Variants in LPA observed in about 807,000 individuals in gnomAD.
LPA encodes lipoprotein(a).
A neutral mutation model predicts 197.9 loss-of-function variants in LPA; 199 were observed. The ratio of observed to expected loss-of-function variants is 1.01; its 90% CI spans 0.90 to 1.13. The LOEUF (loss-of-function observed/expected upper bound fraction) is 1.13, where lower values mean the gene tolerates loss of function less well. LPA is among the 50% of genes most tolerant of loss of function. The pLI is 0.00. For synonymous variants in LPA, 715 were observed against 639.5 expected (o/e 1.12, Z -1.78); for missense variants, 1,853 against 1,785.8 (o/e 1.04, Z -0.68).
At chr6:160,662,185 T>C (rs1163459553) in intron 1 of LPA, among the ~76,000 whole-genome samples, 1 of 152,234 alleles carries the variant, frequency 6.6e-6, no homozygotes, top group Admixed American at 6.5e-5. Context: ...AGGGTTTATT[T>C]GTTGGTGAAG....
At chr6:160,537,128 C>T (rs1040622235) in intron 37 of LPA, among the ~76,000 whole-genome samples, 5 of 152,160 alleles carry the variant, frequency 3.3e-5, no homozygotes, top group Admixed American at 1.3e-4. Flanking sequence ...TTTCAGTTTT[C>T]CTACTGCCAA....
intron 37 of LPA, among the ~76,000 whole-genome samples, chr6:160,534,402 G>C (rs1382680144): frequency 6.6e-6 from 1 of 152,172 alleles, no homozygotes; most frequent in Non-Finnish European, 1.5e-5. Flanking sequence ...TGTAGAGATG[G>C]CACCTCTGAG....
At chr6:160,588,175 A>T (rs1278542958) in intron 24 of LPA, among the ~76,000 whole-genome samples, 4 of 152,054 alleles carry the variant, frequency 2.6e-5, no homozygotes, top group African/African-American at 4.8e-5. Context: ...TCTCTATTAA[A>T]TTTTTAAATA....
At chr6:160,537,831 C>T (rs572057543) in intron 37 of LPA, 24 bp downstream of exon 37, 54 of 1,599,822 alleles carry the variant, frequency 3.4e-5, no homozygotes, top group African/African-American at 2.9e-4. Context: ...CAATTTGTTA[C>T]GTGGGCAATG....
chr6:160,570,928 T>G (rs1778551234), intron 28 of LPA, among the ~76,000 whole-genome samples: 1 of 152,186 alleles, frequency 6.6e-6, no homozygotes, highest in South Asian at 2.1e-4. Context: ...TCTTGCTAGG[T>G]TGGGGAAGTT....
chr6:160,606,356 A>G (rs554470183), intron 17 of LPA, 121 bp downstream of exon 17: 42 of 1,420,840 alleles, frequency 3.0e-5, no homozygotes, highest in South Asian at 4.7e-5. Flanking sequence ...CTCCTACATG[A>G]CAGAACTCAG....
intron 28 of LPA, among the ~76,000 whole-genome samples, chr6:160,564,043 T>C (rs561515661): frequency 6.6e-6 from 1 of 152,372 alleles, no homozygotes; most frequent in South Asian, 2.1e-4. Flanking sequence ...GTCTTTTAAT[T>C]GGGGCATTTA....
In LPA at chr6:160,570,075, G is replaced by A. The variant is rs186571340; in HGVS notation, c.4631+7061C>T. On this transcript the variant is annotated intron_variant, in intron 28 of 38. Coordinates refer to ENST00000316300, the MANE Select transcript of LPA (RefSeq NM_005577.4). ...GTTCAACCATTGTGGAAGACAGTGC[G>A]GTGATTCCTCAAGGATTTAGAACTA... 7.0e-4 allele frequency among the ~76,000 whole-genome samples: 107 copies of A among 152,300 alleles called. 1 individual carries two copies. Among genetic ancestry groups the A allele is most frequent in the Admixed American group, 2.5e-3 (38 of 15,296 alleles).
intron 20 of LPA, 119 bp downstream of exon 20, chr6:160,599,381 G>A (rs929328298): frequency 6.9e-7 from 1 of 1,453,370 alleles, no homozygotes; most frequent in African/African-American, 1.4e-5. Context: ...TTGCTCACAG[G>A]AAATGTTCCT....
chr6:160,620,383 CG>C (rs1779597808), intron 12 of LPA, among the ~76,000 whole-genome samples: 1 of 110,792 alleles, frequency 9.0e-6, no homozygotes, highest in Non-Finnish European at 1.8e-5. Context: ...TCAGCATTCC[CG>C]GTTGATCTCT....
intron 16 of LPA, among the ~76,000 whole-genome samples, chr6:160,611,171 G>T (rs1779502770): frequency 6.6e-6 from 1 of 152,106 alleles, no homozygotes; most frequent in Non-Finnish European, 1.5e-5. Flanking sequence ...TTCCTCATGA[G>T]CCCAGACAGA....
rs561199822 is a variant in LPA at position 160,581,912 on chromosome 6, A to T, written c.4289+3134T>A. Among the ~76,000 whole-genome samples, 7 of 152,190 alleles carry T rather than the reference A, an allele frequency of 4.6e-5. No homozygotes were observed. The South Asian group carries it at 1.4e-3, about 32-fold the overall frequency. On this transcript the variant is annotated intron_variant, in intron 26 of 38. Coordinates refer to ENST00000316300, the MANE Select transcript of LPA (RefSeq NM_005577.4). ...AGTATACATGGTATAGTTCTTTTGCATATTGTGTTAAATTTATCAATAAAG... is the reference window on the plus strand; with the variant it reads ...AGTATACATGGTATAGTTCTTTTGCTTATTGTGTTAAATTTATCAATAAAG...
At chr6:160,542,486 A>C (rs1777996224) in intron 34 of LPA, among the ~76,000 whole-genome samples, 1 of 152,222 alleles carries the variant, frequency 6.6e-6, no homozygotes, top group Non-Finnish European at 1.5e-5. Context: ...AGATCAAGAA[A>C]AAGATTTGTA....
At chr6:160,657,398 C>T (rs1467404874) in intron 1 of LPA, among the ~76,000 whole-genome samples, 1 of 134,650 alleles carries the variant, frequency 7.4e-6, no homozygotes, top group South Asian at 2.4e-4. Flanking sequence ...ACTATTATAA[C>T]TTTTTTTTTT....
chr6:160,609,316 A>G (rs1779429518), intron 16 of LPA, among the ~76,000 whole-genome samples: 1 of 151,914 alleles, frequency 6.6e-6, no homozygotes. Context: ...TTCTCGGTTG[A>G]TCTCTTCTTG....
intron 28 of LPA, among the ~76,000 whole-genome samples, chr6:160,560,955 G>A (rs1048151774): frequency 6.6e-6 from 1 of 152,028 alleles, no homozygotes; most frequent in African/African-American, 2.4e-5. Flanking sequence ...TGTTGCCCAG[G>A]CTGGAGTGCA....
intron 1 of LPA, among the ~76,000 whole-genome samples, chr6:160,658,873 A>ATT (rs1196024784): frequency 8.0e-5 from 11 of 137,970 alleles, no homozygotes; most frequent in African/African-American, 1.1e-4. Flanking sequence ...CTAATAGGAG[A>ATT]TTATATATAT....
At chr6:160,536,875 C>A (rs1309265579) in intron 37 of LPA, among the ~76,000 whole-genome samples, 1 of 152,110 alleles carries the variant, frequency 6.6e-6, no homozygotes, top group East Asian at 1.9e-4. Flanking sequence ...GGTTTTTAAT[C>A]TTTTTAAAAA....
intron 16 of LPA, among the ~76,000 whole-genome samples, chr6:160,610,525 G>C (rs376871863): frequency 2.0e-5 from 3 of 152,120 alleles, no homozygotes; most frequent in East Asian, 1.9e-4. Context: ...TTCTCTTGTA[G>C]TTGCTGTTTC....
Sources: gnomAD v4.1 joint callset for allele counts (sites outside exome capture counted in the v4.1 genomes callset) on GRCh38, gnomAD v4.1.1 for gene constraint, MANE v1.5 for transcripts, NCBI Gene and HGNC (gene_info 2026-07-23, HGNC 2026-07-21) for gene names.